PLOD1: variants seen among roughly 807,000 people sequenced by gnomAD.
PLOD1 encodes the protein lysine hydroxylase.
A neutral mutation model predicts 94.7 loss-of-function variants in PLOD1; 70 were observed. The ratio of observed to expected loss-of-function variants is 0.74; its 90% confidence interval spans 0.61 to 0.90. The LOEUF is 0.90. Among genes scored for constraint, PLOD1 ranks in the 40% least tolerant of loss-of-function variants. The pLI, the probability that PLOD1 is intolerant of heterozygous loss-of-function variation, is 0.00. For synonymous variants in PLOD1, 417 were observed against 400.2 expected (o/e 1.04, Z -0.50); for missense variants, 905 against 972.7 (o/e 0.93, Z 0.93).
At chr1:11,934,903 G>A in intron 1 of PLOD1, 48 bp downstream of exon 1, 1 of 1,524,434 alleles carries the variant, frequency 6.6e-7, no homozygotes, top group Non-Finnish European at 8.8e-7. Flanking sequence ...GGGCGGGAGG[G>A]CTGGTGTCGG....
chr1:11,947,056 G>A (rs946635220), intron 1 of PLOD1, among the ~76,000 whole-genome samples: 2 of 152,002 alleles, frequency 1.3e-5, no homozygotes, highest in East Asian at 3.9e-4. Context: ...ATCATTTGCG[G>A]TCAGGAGTTT....
At chr1:11,946,737 A>G (rs965567806) in intron 1 of PLOD1, among the ~76,000 whole-genome samples, 1 of 151,760 alleles carries the variant, frequency 6.6e-6, no homozygotes, top group African/African-American at 2.4e-5. Context: ...TCTACAGCAC[A>G]TGCTTCATGA....
At chr1:11,955,128 C>T (rs183018672) in intron 6 of PLOD1, among the ~76,000 whole-genome samples, 22 of 152,324 alleles carry the variant, frequency 1.4e-4, no homozygotes, top group South Asian at 1.2e-3. Context: ...TTGGGGGATG[C>T]GCACAGCAGG....
chr1:11,935,218 C>G (rs906533049), intron 1 of PLOD1, among the ~76,000 whole-genome samples: 11 of 152,316 alleles, frequency 7.2e-5, no homozygotes, highest in Non-Finnish European at 4.4e-5. Flanking sequence ...TCCCCGTTTT[C>G]CAGCTGGGCA....
At position 11,964,179 on chromosome 1, in the gene PLOD1, G is replaced by A. The variant is rs773517731; in HGVS notation, c.1207G>A (p.Val403Ile). Residue 403 changes from valine to isoleucine, a missense_variant, in exon 12 of 19, where the codon GTC becomes ATC. Physicochemically the swap from Val to Ile is conservative, Grantham distance 29 (BLOSUM62 3). Transcript: ENST00000196061. ...TGAGGTGCTCCCTTCCCTCAGGAAC[G>A]TCATTGCCCCGCTGATGACCCGGCA... ...LRLLIQQNKN[V>I]IAPLMTRHGR... The A allele has an allele frequency of 4.3e-6, 7 of 1,613,932 alleles. No homozygotes were observed. Among genetic ancestry groups the A allele is most frequent in the South Asian group, 3.3e-5 (3 of 91,090 alleles).
At chr1:11,970,861 G>C in intron 17 of PLOD1, 45 bp downstream of exon 17, 1 of 1,591,354 alleles carries the variant, frequency 6.3e-7, no homozygotes, top group Non-Finnish European at 8.5e-7. Context: ...ACAGTTGGGT[G>C]GGGTGTCAGT....
chr1:11,939,291 A>G (rs1281365164), intron 1 of PLOD1, among the ~76,000 whole-genome samples: 1 of 151,932 alleles, frequency 6.6e-6, no homozygotes, highest in East Asian at 1.9e-4. Flanking sequence ...TCCCACGTGC[A>G]GGGCATCCCA....
chr1:11,962,336 G>T (rs1020706696), intron 10 of PLOD1, among the ~76,000 whole-genome samples: 9 of 145,776 alleles, frequency 6.2e-5, no homozygotes, highest in Non-Finnish European at 1.2e-4. Context: ...GAGTGCAATG[G>T]TGCAATATTG....
chr1:11,960,625 C>A, intron 9 of PLOD1, 21 bp from the exon 10 acceptor site: 3 of 1,572,936 alleles, frequency 1.9e-6, no homozygotes, highest in South Asian at 1.1e-5. Context: ...CCCGCATCCC[C>A]TTCCCCATCC....
chr1:11,947,252 A>AAAAAAAAAAC (rs200663729), intron 1 of PLOD1, among the ~76,000 whole-genome samples: 1 of 150,418 alleles, frequency 6.6e-6, no homozygotes, highest in African/African-American at 2.5e-5. Flanking sequence ...AAAAAAAACA[A>AAAAAAAAAAC]AAACAAACAA....
chr1:11,956,826 C>T, intron 6 of PLOD1, 91 bp from the exon 7 acceptor site: 1 of 824,114 alleles, frequency 1.2e-6, no homozygotes, highest in Non-Finnish European at 2.2e-6. Context: ...AATCTACTCA[C>T]TGCACAGCTG....
intron 13 of PLOD1, 48 bp downstream of exon 13, chr1:11,964,833 G>A (rs369408502): frequency 2.6e-5 from 42 of 1,600,842 alleles, no homozygotes; most frequent in Middle Eastern, 3.9e-4. Context: ...TGGGGCAGGC[G>A]GGAAGGTGGG....
In PLOD1 at chr1:11,974,753, G is replaced by T. The variant is rs1001558523; in HGVS notation, c.2129G>T (p.Gly710Val). The change falls in exon 19 of 19, where the codon GGG becomes GTG. Residue 710 changes from glycine to valine, a missense_variant. Gly to Val is a moderately radical substitution (Grantham distance 109). Transcript: ENST00000196061. ...HPGRLTHYHE[G>V]LPTTRGTRYI... ...GGACGACTCACGCATTACCATGAGGGGCTCCCCACCACCAGGGGCACCCGC... is the reference window on the plus strand; with the variant it reads ...GGACGACTCACGCATTACCATGAGGTGCTCCCCACCACCAGGGGCACCCGC... 1.2e-6 allele frequency: 2 copies of T among 1,614,068 alleles called. No homozygotes were observed. The highest frequency in any genetic ancestry group is 2.7e-5 in the African/African-American group (2 of 75,038).
chr1:11,962,269 G>GTTTTTTT (rs1645783252), intron 10 of PLOD1, among the ~76,000 whole-genome samples: 1 of 104,554 alleles, frequency 9.6e-6, no homozygotes, highest in African/African-American at 3.1e-5. Context: ...TTTGATTTTT[G>GTTTTTTT]TTTTCTTTTT....
In PLOD1 at chr1:11,950,366, G is replaced by C. The variant is rs1645690488; in HGVS notation, c.312G>C (p.Val104=). ...LVILFADSYD[V]LFASGPRELL... is the part of the protein sequence containing the mutation. ...GCTGCTCTGGCCACAGCTATGACGT[G>C]CTGTTTGCATCGGGGCCCCGGGAGC... The change falls in exon 4 of 19, where the codon GTG becomes GTC. Residue 104 remains valine, a synonymous_variant. Transcript: ENST00000196061. 5 of 1,614,004 alleles carry C rather than the reference G, an allele frequency of 3.1e-6. No homozygotes were observed. In the African/African-American group the frequency reaches 6.7e-5, roughly 22 times the overall value.
intron 1 of PLOD1, among the ~76,000 whole-genome samples, chr1:11,936,217 G>A (rs148004573): frequency 1.3e-5 from 2 of 152,148 alleles, no homozygotes; most frequent in Non-Finnish European, 2.9e-5. Flanking sequence ...TTGGTCCGAG[G>A]TCAGCTGGGC....
In PLOD1 at chr1:11,958,724, C is replaced by A. The variant is rs1645757530; in HGVS notation, c.975+77C>A. The A allele has an allele frequency of 6.5e-7, 1 of 1,543,888 alleles. No individual in the cohort carries two copies. Among genetic ancestry groups the A allele is most frequent in the African/African-American group, 1.4e-5 (1 of 73,620 alleles). On this transcript the variant is annotated intron_variant, in intron 9 of 18. Transcript: ENST00000196061. This position sits in a 1 kb window ranked among gnomAD's most constrained non-coding sequence, Gnocchi z 4.3. Reference sequence around the variant, plus strand: ...AGCTTCACAAGGTAGCCCGAGACCTCTGAGGGTCTCACCGAATCTAGCTTA... The same window carrying A: ...AGCTTCACAAGGTAGCCCGAGACCTATGAGGGTCTCACCGAATCTAGCTTA...
chr1:11,960,216 C>T (rs752382428), intron 9 of PLOD1, among the ~76,000 whole-genome samples: 9 of 152,068 alleles, frequency 5.9e-5, no homozygotes, highest in African/African-American at 1.2e-4. Context: ...GTGATCTACC[C>T]GCCTCGGCCT....
At chr1:11,936,905 TG>T (rs1288790713) in intron 1 of PLOD1, among the ~76,000 whole-genome samples, 15 of 150,396 alleles carry the variant, frequency 1.0e-4, no homozygotes, top group Non-Finnish European at 1.6e-4. Flanking sequence ...TGGAGTCCAA[TG>T]GTGCGATCTC....
Sources: gnomAD v4.1 joint callset for allele counts (sites outside exome capture counted in the v4.1 genomes callset) on GRCh38, gnomAD v4.1.1 for gene constraint, Gnocchi (gnomAD v3.1) non-coding constraint, MANE v1.5 for transcripts, NCBI Gene and HGNC (gene_info 2026-07-23, HGNC 2026-07-21) for gene names.